The following UNC79 variants were observed in gnomAD, a reference collection of about 807,000 sequenced individuals.
UNC79 encodes protein unc-79 homolog.
A neutral mutation model predicts 283.1 loss-of-function variants in UNC79; 37 were observed. The ratio of observed to expected loss-of-function variants is 0.13; its 90% CI spans 0.10 to 0.17. The LOEUF (loss-of-function observed/expected upper bound fraction) is 0.17, where lower values mean the gene tolerates loss of function less well. Among genes scored for constraint, UNC79 ranks in the 10% least tolerant of loss-of-function variants. The pLI, the probability that UNC79 is intolerant of heterozygous loss-of-function variation, is 1.00. For missense variants in UNC79, 2,272 were observed against 3,211.1 expected (o/e 0.71, Z 7.07); for synonymous variants, 1,107 against 1,200.2 (o/e 0.92, Z 1.61).
At chr14:93,598,404 GTGTGT>G (rs757407975) in intron 24 of UNC79, among the ~76,000 whole-genome samples, 2,536 of 149,558 alleles carry the variant, frequency 0.017, 38 homozygotes, top group African/African-American at 0.028. Context: ...GTGTGTGTGT[GTGTGT>G]GGCAGATTTT....
At chr14:93,379,614 T>C (rs2054625619) in intron 1 of UNC79, among the ~76,000 whole-genome samples, 1 of 151,792 alleles carries the variant, frequency 6.6e-6, no homozygotes, top group Non-Finnish European at 1.5e-5. Flanking sequence ...ATTAAACCAA[T>C]TGTTGTGGCT....
At chr14:93,641,940 A>G (rs1199981770) in intron 33 of UNC79, among the ~76,000 whole-genome samples, 1 of 152,156 alleles carries the variant, frequency 6.6e-6, no homozygotes, top group Non-Finnish European at 1.5e-5. Flanking sequence ...GTTCCCCTGC[A>G]CAAGCTCTCT....
intron 14 of UNC79, among the ~76,000 whole-genome samples, chr14:93,567,803 C>G (rs1484062774): frequency 6.6e-6 from 1 of 152,198 alleles, no homozygotes; most frequent in Non-Finnish European, 1.5e-5. Flanking sequence ...GCACCTGTGA[C>G]ACAGCCTCAG....
At chr14:93,697,202 C>T (rs1043229858) in intron 47 of UNC79, among the ~76,000 whole-genome samples, 6 of 152,056 alleles carry the variant, frequency 3.9e-5, no homozygotes, top group Non-Finnish European at 8.8e-5. Context: ...ATGGTGCAAT[C>T]TCGGCTTACT....
Position 93,581,804 on chromosome 14 carries a change from A to C in UNC79, c.2662-399A>C, listed in dbSNP as rs572521035. On this transcript the variant is annotated intron_variant, in intron 19 of 48. Coordinates refer to ENST00000555664, the Ensembl canonical transcript of UNC79. ...ACCATGCCCGGCCATTTGCATCTTA[A>C]TATAGCTTTGTGAACCCGTTATTAT... Among the ~76,000 whole-genome samples the C allele has an allele frequency of 2.3e-3, 354 of 152,098 alleles. 3 individuals carry two copies. Among genetic ancestry groups the C allele is most frequent in the African/African-American group, 8.2e-3 (340 of 41,526 alleles).
At chr14:93,618,133 G>A in intron 28 of UNC79, 59 bp from the exon 30 acceptor site, 2 of 1,537,634 alleles carry the variant, frequency 1.3e-6, no homozygotes, top group Non-Finnish European at 1.8e-6. Context: ...AAGATCAGGT[G>A]GAAAAGCTTA....
intron 1 of UNC79, among the ~76,000 whole-genome samples, chr14:93,361,369 T>A (rs1237245253): frequency 6.6e-6 from 1 of 151,834 alleles, no homozygotes; most frequent in Non-Finnish European, 1.5e-5. Flanking sequence ...TAAAAAAAAT[T>A]AGCTGGGCAT....
chr14:93,424,468 T>C (rs2055678685), intron 1 of UNC79, among the ~76,000 whole-genome samples: 2 of 152,086 alleles, frequency 1.3e-5, no homozygotes, highest in African/African-American at 4.8e-5. Flanking sequence ...TAAGTGTCTA[T>C]AAACAGATAA....
intron 40 of UNC79, among the ~76,000 whole-genome samples, chr14:93,669,320 A>G (rs895868911): frequency 1.3e-5 from 2 of 152,234 alleles, no homozygotes; most frequent in African/African-American, 2.4e-5. Flanking sequence ...TATGAGGCTC[A>G]GATCAGGAAG....
intron 4 of UNC79, among the ~76,000 whole-genome samples, chr14:93,483,347 C>T (rs1016383551): frequency 6.6e-6 from 1 of 152,104 alleles, no homozygotes; most frequent in African/African-American, 2.4e-5. Flanking sequence ...AGAGTAGCCA[C>T]TAGCCCCATG....
At chr14:93,436,469 A>G (rs1366713969) in intron 1 of UNC79, among the ~76,000 whole-genome samples, 1 of 152,124 alleles carries the variant, frequency 6.6e-6, no homozygotes, top group African/African-American at 2.4e-5. Flanking sequence ...AGGCAGTTTT[A>G]GCACACAGCC....
intron 7 of UNC79, among the ~76,000 whole-genome samples, chr14:93,513,904 T>C (rs2059942107): frequency 6.6e-6 from 1 of 152,200 alleles, no homozygotes. Context: ...CTATGACTCC[T>C]ATAGCATTAT....
chr14:93,679,674 A>G (rs999414205), intron 41 of UNC79, among the ~76,000 whole-genome samples: 1 of 152,174 alleles, frequency 6.6e-6, no homozygotes, highest in Admixed American at 6.5e-5. Flanking sequence ...ATATTAGTTG[A>G]GTTCGTAACA....
At chr14:93,535,625 GA>G (rs1273033550) in intron 11 of UNC79, among the ~76,000 whole-genome samples, 2 of 152,166 alleles carry the variant, frequency 1.3e-5, no homozygotes, top group African/African-American at 4.8e-5. Flanking sequence ...GAGGTTTCTA[GA>G]TCATACGTTT....
chr14:93,571,455 G>A (rs1212332656), intron 14 of UNC79, among the ~76,000 whole-genome samples: 3 of 152,146 alleles, frequency 2.0e-5, no homozygotes, highest in African/African-American at 7.2e-5. Flanking sequence ...CGTATTTCCT[G>A]TAATGAAAAA....
intron 24 of UNC79, among the ~76,000 whole-genome samples, chr14:93,600,044 C>G (rs2065383283): frequency 6.6e-6 from 1 of 151,526 alleles, no homozygotes; most frequent in Non-Finnish European, 1.5e-5. Context: ...ACTAAAAATA[C>G]AAAAAATTAG....
At chr14:93,704,420 G>A (rs751988094) in intron 47 of UNC79, among the ~76,000 whole-genome samples, 8 of 152,162 alleles carry the variant, frequency 5.3e-5, no homozygotes, top group Admixed American at 1.3e-4. Context: ...CTCATGGGGC[G>A]CTTATTAACC....
chr14:93,539,527 AT>A (rs1479007268), intron 12 of UNC79, among the ~76,000 whole-genome samples: 1 of 151,960 alleles, frequency 6.6e-6, no homozygotes, highest in Non-Finnish European at 1.5e-5. Context: ...TCTCAAAAAA[AT>A]AAATTAAAAA....
chr14:93,487,356 T>G (rs546748134), intron 4 of UNC79, among the ~76,000 whole-genome samples: 1 of 152,186 alleles, frequency 6.6e-6, no homozygotes. Flanking sequence ...TTCTTTCTTT[T>G]CCATCTAAAT....
Sources: gnomAD v4.1 joint callset for allele counts (sites outside exome capture counted in the v4.1 genomes callset) on GRCh38, gnomAD v4.1.1 for gene constraint, MANE v1.5 for transcripts, NCBI Gene and HGNC (gene_info 2026-07-23, HGNC 2026-07-21) for gene names.